The following SUFU variants were observed in gnomAD, a reference collection of about 807,000 sequenced individuals.
The protein encoded by SUFU is suppressor of fused homolog.
Under a neutral mutation model 58.9 loss-of-function variants are expected in SUFU, and 7 were observed. That is an observed-to-expected ratio of 0.12 (90% confidence interval 0.07 to 0.22). The LOEUF (loss-of-function observed/expected upper bound fraction) is 0.22. SUFU is among the 10% of genes least tolerant of loss of function. The pLI, the probability that SUFU is intolerant of heterozygous loss-of-function variation, is 1.00. For missense variants in SUFU, 451 were observed against 641.3 expected (o/e 0.70, Z 3.20); for synonymous variants, 232 against 254.8 (o/e 0.91, Z 0.85).
chr10:102,516,070 T>G (rs2062464776), intron 2 of SUFU, among the ~76,000 whole-genome samples: 1 of 152,016 alleles, frequency 6.6e-6, no homozygotes, highest in African/African-American at 2.4e-5. Flanking sequence ...AATCTCTGAA[T>G]TTGTGAATTT....
chr10:102,515,198 G>A (rs1176752232), intron 2 of SUFU, among the ~76,000 whole-genome samples: 2 of 152,034 alleles, frequency 1.3e-5, no homozygotes, highest in Non-Finnish European at 2.9e-5. Flanking sequence ...ACCCGCATGA[G>A]TTATTTATTA....
intron 7 of SUFU, among the ~76,000 whole-genome samples, chr10:102,598,370 G>A (rs191405104): frequency 2.0e-5 from 3 of 152,160 alleles, no homozygotes; most frequent in African/African-American, 7.2e-5. Context: ...GCCCACGCTG[G>A]TCTTAAACTC....
In SUFU at chr10:102,630,765, TTC is replaced by T. The variant is rs2135960934; in HGVS notation, c.*614_*615del. ...CTTCATTCCCCGTTGAACTTTCGCA[TTC>T]TCTGACAGAGGCCTAGGGCTGTATC... On this transcript the variant is annotated 3_prime_UTR_variant, in exon 12 of 12. Coordinates refer to ENST00000369902, the MANE Select transcript of SUFU (RefSeq NM_016169.4). 4.0e-6 allele frequency: 1 copy of T among 249,958 alleles called. No homozygotes were observed. The highest frequency in any genetic ancestry group is 1.3e-4 in the South Asian group (1 of 7,492). 15.5% of individuals were successfully genotyped at this position (249,958 alleles called of 1,614,324 possible).
At chr10:102,527,058 AGTGGTGCGATCTCAGCTCACT>A (rs1014957565) in intron 2 of SUFU, among the ~76,000 whole-genome samples, 5 of 135,006 alleles carry the variant, frequency 3.7e-5, no homozygotes, top group Non-Finnish European at 7.6e-5. Flanking sequence ...GTGCAGTGGC[AGTGGTGCGATCTCAGCTCACT>A]GCAAGCTCCG....
intron 2 of SUFU, among the ~76,000 whole-genome samples, chr10:102,512,986 G>A (rs980158489): frequency 6.6e-6 from 1 of 151,858 alleles, no homozygotes; most frequent in African/African-American, 2.4e-5. Context: ...GAGGATCACT[G>A]GAGCCTGGGA....
intron 3 of SUFU, among the ~76,000 whole-genome samples, chr10:102,588,901 A>C (rs1413345184): frequency 6.6e-6 from 1 of 151,930 alleles, no homozygotes; most frequent in Non-Finnish European, 1.5e-5. Flanking sequence ...TCTTACTTTC[A>C]TTTTTTATTT....
intron 8 of SUFU, among the ~76,000 whole-genome samples, chr10:102,600,689 G>A (rs1453812336): frequency 6.6e-6 from 1 of 152,168 alleles, no homozygotes; most frequent in African/African-American, 2.4e-5. Flanking sequence ...TAATAAGCAG[G>A]GGAAGGAACT....
At chr10:102,581,259 C>CAGAG (rs1259529005) in intron 3 of SUFU, among the ~76,000 whole-genome samples, 2 of 146,052 alleles carry the variant, frequency 1.4e-5, no homozygotes, top group Non-Finnish European at 3.0e-5. Flanking sequence ...TATGGGCTTA[C>CAGAG]AGAGAGATCC....
At chr10:102,602,277 A>G (rs2063521124) in intron 8 of SUFU, among the ~76,000 whole-genome samples, 6 of 152,234 alleles carry the variant, frequency 3.9e-5, no homozygotes. Flanking sequence ...ACAGCCATCT[A>G]TCAGCCATTA....
chr10:102,625,551 G>A lies in SUFU; in HGVS notation c.1297-1624G>A, dbSNP rs1834712877. 6.6e-6 allele frequency among the ~76,000 whole-genome samples: 1 copy of A among 152,110 alleles called. No individual in the cohort carries two copies. The highest frequency in any genetic ancestry group is 1.5e-5 in the Non-Finnish European group (1 of 68,008). ...TGAATGGATGAGTTAGTGTCCTGGG[G>A]GTGAGAGTTCAGCATTCGGGAGCAG... is the stretch of plus-strand genomic sequence containing the variant. On this transcript the variant is annotated intron_variant, in intron 10 of 11. Transcript: ENST00000369902. The surrounding 1 kb of genome is among the most constrained non-coding windows in gnomAD (Gnocchi z 4.7).
At chr10:102,533,743 G>T (rs1422015301) in intron 2 of SUFU, among the ~76,000 whole-genome samples, 2 of 152,120 alleles carry the variant, frequency 1.3e-5, no homozygotes, top group East Asian at 3.8e-4. Context: ...CTTTCATTAA[G>T]GATTCATGGA....
intron 3 of SUFU, among the ~76,000 whole-genome samples, chr10:102,588,529 G>C (rs572085723): frequency 2.0e-5 from 3 of 152,214 alleles, no homozygotes; most frequent in Non-Finnish European, 4.4e-5. Flanking sequence ...TATCTTTGTA[G>C]CAAGTTTTGA....
At chr10:102,549,916 A>G (rs1401570369) in intron 2 of SUFU, 54 bp from the exon 3 acceptor site, 1 of 1,610,894 alleles carries the variant, frequency 6.2e-7, no homozygotes, top group East Asian at 2.2e-5. Context: ...CTTTCAAGAG[A>G]GTGTTTTTCC....
chr10:102,509,140 C>G (rs770187128), intron 1 of SUFU, 29 bp from the exon 2 acceptor site: 2 of 1,613,492 alleles, frequency 1.2e-6, no homozygotes, highest in East Asian at 2.2e-5. Flanking sequence ...CAGGCTTACA[C>G]TAACACCCCT....
At chr10:102,523,927 G>GC (rs2062578748) in intron 2 of SUFU, among the ~76,000 whole-genome samples, 1 of 152,062 alleles carries the variant, frequency 6.6e-6, no homozygotes. Flanking sequence ...TTCCTATTCT[G>GC]CCCCCCTTGC....
At chr10:102,576,933 A>G (rs1337026406) in intron 3 of SUFU, among the ~76,000 whole-genome samples, 1 of 151,694 alleles carries the variant, frequency 6.6e-6, no homozygotes, top group Non-Finnish European at 1.5e-5. Context: ...CTGGTCTTGA[A>G]CTCCTGGTCT....
chr10:102,548,604 T>C (rs538268915), intron 2 of SUFU, among the ~76,000 whole-genome samples: 3 of 152,348 alleles, frequency 2.0e-5, no homozygotes, highest in South Asian at 4.1e-4. Context: ...GTACAAGATA[T>C]AATTACTGAA....
intron 8 of SUFU, among the ~76,000 whole-genome samples, chr10:102,606,312 A>G (rs1459840329): frequency 6.6e-6 from 1 of 152,244 alleles, no homozygotes; most frequent in Non-Finnish European, 1.5e-5. Flanking sequence ...GATCAATTGC[A>G]CCTCTAAGCC....
At chr10:102,559,180 T>G (rs887187603) in intron 3 of SUFU, among the ~76,000 whole-genome samples, 11 of 152,186 alleles carry the variant, frequency 7.2e-5, no homozygotes, top group African/African-American at 2.7e-4. Context: ...CCTTTAAAGA[T>G]GAACCAAAAC....
Sources: gnomAD v4.1 joint callset for allele counts (sites outside exome capture counted in the v4.1 genomes callset) on GRCh38, gnomAD v4.1.1 for gene constraint, Gnocchi (gnomAD v3.1) non-coding constraint, MANE v1.5 for transcripts, NCBI Gene and HGNC (gene_info 2026-07-23, HGNC 2026-07-21) for gene names.